The following ZNF469 variants were observed in gnomAD, a reference collection of about 807,000 sequenced individuals.
ZNF469 encodes zinc finger protein 469.
In ZNF469, 1 loss-of-function variant was observed where a neutral mutation model predicts 1.0. The ratio of observed to expected loss-of-function variants is 1.00; its 90% CI spans 0.35 to 4.73. The LOEUF (loss-of-function observed/expected upper bound fraction) is 4.73. Among genes scored for constraint, ZNF469 ranks in the 30% most tolerant of loss-of-function variants. The pLI, the probability that ZNF469 is intolerant of heterozygous loss-of-function variation, is 0.16. For missense variants in ZNF469, 6,100 were observed against 5,356.3 expected, an observed-to-expected ratio of 1.14 and a Z score of -4.33; for synonymous variants, 2,703 against 2,363.4, an observed-to-expected ratio of 1.14 and a Z score of -4.17.
At chr16:88,128,287 C>T in the ZNF469 span, among the ~76,000 whole-genome samples, 3 of 152,170 alleles carry the variant, frequency 2.0e-5, no homozygotes, top group East Asian at 3.9e-4. Flanking sequence ...AGGGGGTGAT[C>T]CTGGGTAACT....
In ZNF469 at chr16:88,421,558, A is replaced by C. The variant is rs144854730; in HGVS notation, c.-191-3249A>C. 2.0e-3 allele frequency among the ~76,000 whole-genome samples: 306 copies of C among 152,232 alleles called. 5 individuals are homozygous for C. In the East Asian group the frequency reaches 0.036, roughly 18 times the overall value. On this transcript the variant is annotated intron_variant, in intron 1 of 2. Coordinates refer to ENST00000565624, the MANE Select transcript of ZNF469 (RefSeq NM_001367624.2). The stretch of plus-strand genomic sequence containing the variant: ...AGGGACAGCTGGCAGCTGGCCCTCG[A>C]GTGCCCTGGGGTGCTGCAGGCAAAT...
In ZNF469 at chr16:88,433,624, G is replaced by C; in HGVS notation, c.6154G>C (p.Ala2052Pro). The C allele has an allele frequency of 1.3e-6, 2 of 1,550,282 alleles. No homozygotes were observed. Among genetic ancestry groups the C allele is most frequent in the South Asian group, 1.2e-5 (1 of 84,060 alleles). Residue 2052 changes from alanine (A) to proline (P), a missense_variant, in exon 3 of 3, where the codon GCC becomes CCC. Physicochemically the swap from Ala to Pro is conservative, Grantham distance 27. Transcript: ENST00000565624. ...GGCAGCCATGAGCCTTCAGGAGGAG[G>C]CCGAGCCCACCCCAAGCCCCCCGTC... Reference protein sequence around the residue: ...SRAAMSLQEEAEPTPSPPSPN... With the variant: ...SRAAMSLQEEPEPTPSPPSPN...
the ZNF469 span, among the ~76,000 whole-genome samples, chr16:88,126,132 T>G: frequency 7.3e-6 from 1 of 137,284 alleles, no homozygotes. Flanking sequence ...GAGGTTGCAG[T>G]GAGCCGAGAT....
intron 2 of ZNF469, among the ~76,000 whole-genome samples, chr16:88,425,604 G>A (rs1304838066): frequency 6.6e-6 from 1 of 152,196 alleles, no homozygotes; most frequent in African/African-American, 2.4e-5. Flanking sequence ...AATTCAGGGC[G>A]ACAATCACAG....
chr16:88,323,972 C>G, the ZNF469 span, among the ~76,000 whole-genome samples: 1 of 152,142 alleles, frequency 6.6e-6, no homozygotes, highest in Non-Finnish European at 1.5e-5. Flanking sequence ...TGGCTAAAAC[C>G]AAGCAGAGTT....
the ZNF469 span, among the ~76,000 whole-genome samples, chr16:88,372,081 C>T: frequency 1.6e-5 from 2 of 123,330 alleles, no homozygotes; most frequent in African/African-American, 6.4e-5. Flanking sequence ...CCATCACCAC[C>T]ATCATCACCA....
chr16:88,346,771 G>A, the ZNF469 span, among the ~76,000 whole-genome samples: 10 of 152,322 alleles, frequency 6.6e-5, no homozygotes, highest in South Asian at 1.9e-3. Flanking sequence ...GGAGATGGGC[G>A]GCCCTGTGTG....
chr16:88,354,636 C>CT, the ZNF469 span, among the ~76,000 whole-genome samples: 1,045 of 152,082 alleles, frequency 6.9e-3, 9 homozygotes, highest in African/African-American at 0.024. Flanking sequence ...GCCCGGCCCC[C>CT]AGCTCAAATG....
chr16:88,329,454 G>T, the ZNF469 span, among the ~76,000 whole-genome samples: 18 of 152,348 alleles, frequency 1.2e-4, no homozygotes, highest in African/African-American at 4.1e-4. Context: ...CCACAGCCAA[G>T]CAGGGGCTGG....
At chr16:88,184,596 C>G in the ZNF469 span, among the ~76,000 whole-genome samples, 1 of 152,002 alleles carries the variant, frequency 6.6e-6, no homozygotes, top group Non-Finnish European at 1.5e-5. Flanking sequence ...TTCCCGTTCC[C>G]GTTTCAGGGG....
the ZNF469 span, among the ~76,000 whole-genome samples, chr16:88,205,663 G>A: frequency 6.6e-5 from 10 of 152,274 alleles, no homozygotes; most frequent in South Asian, 2.1e-4. The surrounding 1 kb of genome is among the most constrained non-coding windows in gnomAD (Gnocchi z 4.2). Context: ...TACAAGGCAC[G>A]GATGCGGAAC....
upstream of ZNF469, among the ~76,000 whole-genome samples, chr16:88,378,046 T>A (rs1443794191): frequency 6.6e-6 from 1 of 152,038 alleles, no homozygotes; most frequent in East Asian, 1.9e-4. Context: ...ACCTTGCACA[T>A]ACCTGTTATG....
chr16:88,408,795 C>T (rs1188181084), intron 1 of ZNF469, among the ~76,000 whole-genome samples: 1 of 152,268 alleles, frequency 6.6e-6, no homozygotes, highest in African/African-American at 2.4e-5. Flanking sequence ...CTGTGCCCGG[C>T]ACCCAATGCA....
the ZNF469 span, among the ~76,000 whole-genome samples, chr16:88,364,753 C>T: frequency 1.3e-5 from 2 of 152,130 alleles, no homozygotes; most frequent in Admixed American, 1.3e-4. Context: ...CACTTGAGGT[C>T]AGGAGTTCAA....
At chr16:88,327,514 G>A in the ZNF469 span, among the ~76,000 whole-genome samples, 1 of 152,138 alleles carries the variant, frequency 6.6e-6, no homozygotes, top group Admixed American at 6.5e-5. Context: ...GCCAGCTAGG[G>A]GCCAGGCCTG....
the ZNF469 span, among the ~76,000 whole-genome samples, chr16:88,333,892 G>GTGTC: frequency 2.1e-5 from 3 of 144,528 alleles, no homozygotes; most frequent in Non-Finnish European, 4.7e-5. Context: ...GTGTGTCTGT[G>GTGTC]TGTGTGTTTT....
chr16:88,204,257 A>G, the ZNF469 span, among the ~76,000 whole-genome samples: 8 of 144,106 alleles, frequency 5.6e-5, no homozygotes, highest in East Asian at 2.1e-4. Flanking sequence ...GAGGCGCACC[A>G]TAACCCCATA....
chr16:88,279,887 A>ATGG, the ZNF469 span, among the ~76,000 whole-genome samples: 3 of 60,238 alleles, frequency 5.0e-5, no homozygotes, highest in Admixed American at 4.9e-4. Context: ...ATCAGTGCAC[A>ATGG]GTTAGTGCTG....
chr16:88,351,286 G>A, the ZNF469 span, among the ~76,000 whole-genome samples: 41 of 152,282 alleles, frequency 2.7e-4, no homozygotes, highest in Admixed American at 2.5e-3. Flanking sequence ...GTGGGTCTCC[G>A]TTTCCCCAGC....
Sources: gnomAD v4.1 joint callset for allele counts (sites outside exome capture counted in the v4.1 genomes callset) on GRCh38, gnomAD v4.1.1 for gene constraint, Gnocchi (gnomAD v3.1) non-coding constraint, MANE v1.5 for transcripts, NCBI Gene and HGNC (gene_info 2026-07-23, HGNC 2026-07-21) for gene names.